NAV1: variants seen among roughly 807,000 people sequenced by gnomAD.
NAV1 encodes the protein neuron navigator 1.
In NAV1, 18 loss-of-function variants were observed where a neutral mutation model predicts 175.2. The ratio of observed to expected loss-of-function variants is 0.10; its 90% CI spans 0.07 to 0.15. The LOEUF (loss-of-function observed/expected upper bound fraction) is 0.15, where lower values mean the gene tolerates loss of function less well. NAV1 is among the 10% of genes least tolerant of loss of function. The probability of loss-of-function intolerance (pLI) is 1.00; values close to 1 mark genes in which losing one functional copy is unlikely to be tolerated. For synonymous variants in NAV1, 897 were observed against 978.7 expected (o/e 0.92, Z 1.56); for missense variants, 1,731 against 2,436.6 (o/e 0.71, Z 6.10).
intron 2 of NAV1, among the ~76,000 whole-genome samples, chr1:201,600,802 C>G (rs555873314): frequency 6.6e-6 from 1 of 152,288 alleles, no homozygotes; most frequent in African/African-American, 2.4e-5. Flanking sequence ...CCCTCAAGAT[C>G]AAGTTTGTCC....
At chr1:201,559,187 C>T (rs1028239384) in intron 1 of NAV1, among the ~76,000 whole-genome samples, 1 of 152,110 alleles carries the variant, frequency 6.6e-6, no homozygotes, top group African/African-American at 2.4e-5. Context: ...CTTCTGGAGC[C>T]CGTTTCCCCT....
At chr1:201,635,073 C>G (rs142149146) in intron 2 of NAV1, among the ~76,000 whole-genome samples, 1 of 152,180 alleles carries the variant, frequency 6.6e-6, no homozygotes, top group South Asian at 2.1e-4. Flanking sequence ...GAGTCTCACT[C>G]TGTCACCCAG....
intron 2 of NAV1, among the ~76,000 whole-genome samples, chr1:201,593,274 C>T (rs943196735): frequency 3.3e-5 from 5 of 152,220 alleles, no homozygotes; most frequent in Non-Finnish European, 5.9e-5. Flanking sequence ...ATCAACCCCA[C>T]AAGCCTGTCA....
At chr1:201,598,017 T>A (rs1667405678) in intron 2 of NAV1, among the ~76,000 whole-genome samples, 1 of 152,112 alleles carries the variant, frequency 6.6e-6, no homozygotes, top group African/African-American at 2.4e-5. Flanking sequence ...ATATACTGAG[T>A]GTCTACTACG....
In NAV1 at chr1:201,629,510, A is replaced by G. The variant is rs1378222919; in HGVS notation, c.4+3A>G. ...TGAGGAGAGCTTCTCCTGCATGGGT[A>G]AGTGATCTGGGGGAGACTTCCTCCT... On this transcript the variant is annotated splice_donor_region_variant and intron_variant, in intron 2 of 29. Coordinates refer to the NAV1 transcript ENST00000367302. 7.7e-7 allele frequency: 1 copy of G among 1,302,626 alleles called. No homozygotes were observed. The highest frequency in any genetic ancestry group is 1.0e-6 in the Non-Finnish European group (1 of 988,068). 80.7% of individuals were successfully genotyped at this position (1,302,626 alleles called of 1,614,324 possible).
At chr1:201,584,236 G>A (rs1293876909) in intron 1 of NAV1, among the ~76,000 whole-genome samples, 10 of 152,234 alleles carry the variant, frequency 6.6e-5, no homozygotes, top group Admixed American at 5.9e-4. Flanking sequence ...CCACATTTAT[G>A]AGACTGTAAA....
chr1:201,642,160 C>T (rs1668779309), intron 2 of NAV1, among the ~76,000 whole-genome samples: 1 of 130,344 alleles, frequency 7.7e-6, no homozygotes, highest in Non-Finnish European at 1.6e-5. Flanking sequence ...TTCTTTCTCT[C>T]TCCCCTCCCT....
At chr1:201,658,902 G>A (rs1177066623) in intron 1 of NAV1, among the ~76,000 whole-genome samples, 3 of 152,172 alleles carry the variant, frequency 2.0e-5, no homozygotes, top group African/African-American at 7.2e-5. Flanking sequence ...GAGGGTAGGG[G>A]CACCCCTTAT....
At chr1:201,804,178 A>G in intron 16 of NAV1, 1 of 499,706 alleles carries the variant, frequency 2.0e-6, no homozygotes, top group Non-Finnish European at 3.6e-6. Context: ...CTTTATTATT[A>G]CCTTTGGTAG....
intron 1 of NAV1, among the ~76,000 whole-genome samples, chr1:201,665,030 C>A (rs1669757872): frequency 6.6e-6 from 1 of 152,140 alleles, no homozygotes; most frequent in South Asian, 2.1e-4. Flanking sequence ...TAAACACCGC[C>A]CAGATTGCAG....
At chr1:201,589,650 C>A (rs986258770) in intron 2 of NAV1, among the ~76,000 whole-genome samples, 4 of 152,108 alleles carry the variant, frequency 2.6e-5, no homozygotes, top group Non-Finnish European at 5.9e-5. Flanking sequence ...CACCACCACT[C>A]CTGGTTATTT....
intron 1 of NAV1, among the ~76,000 whole-genome samples, chr1:201,545,477 G>C (rs1221517475): frequency 6.6e-6 from 1 of 151,872 alleles, no homozygotes; most frequent in Non-Finnish European, 1.5e-5. Context: ...TGTTGGCCAG[G>C]CTGGTCTCAA....
At chr1:201,781,058 G>A in exon 5 of NAV1, 1 of 1,614,178 alleles carries the variant, frequency 6.2e-7, no homozygotes, top group Non-Finnish European at 8.5e-7. Context: ...AGTGGGCTGA[G>A]CTGGTTTAGT....
chr1:201,669,408 G>A (rs1024653729), intron 1 of NAV1, among the ~76,000 whole-genome samples: 3 of 152,152 alleles, frequency 2.0e-5, no homozygotes, highest in Non-Finnish European at 2.9e-5. Context: ...ACAGAGGTCC[G>A]AGGAGGCTCA....
In NAV1 at chr1:201,769,964, A is replaced by G. The variant is rs539120045; in HGVS notation, c.1227-10457A>G. Among the ~76,000 whole-genome samples, 37 of 152,370 alleles carry G rather than the reference A, an allele frequency of 2.4e-4. No homozygotes were observed. In the South Asian group the frequency reaches 7.2e-3, roughly 30 times the overall value. On this transcript the variant is annotated intron_variant, in intron 3 of 29. Coordinates refer to ENST00000367296, the Ensembl canonical transcript of NAV1. ...TGTTCAAGTCTGACTTTTAAGAACCATGCTGTGCTACAGAAGCAATAAGGA... is the reference window on the plus strand; with the variant it reads ...TGTTCAAGTCTGACTTTTAAGAACCGTGCTGTGCTACAGAAGCAATAAGGA...
At chr1:201,696,283 T>C (rs1185862916) in intron 1 of NAV1, among the ~76,000 whole-genome samples, 2 of 152,128 alleles carry the variant, frequency 1.3e-5, no homozygotes, top group African/African-American at 2.4e-5. Flanking sequence ...GGCTCCTGCA[T>C]TGGAATCGGG....
intron 2 of NAV1, among the ~76,000 whole-genome samples, chr1:201,590,546 T>C (rs535741524): frequency 6.6e-6 from 1 of 152,346 alleles, no homozygotes; most frequent in Non-Finnish European, 1.5e-5. Context: ...AATCCTCTGC[T>C]TCCTGGTCCC....
intron 3 of NAV1, among the ~76,000 whole-genome samples, chr1:201,743,701 CTATGAG>C (rs1673579407): frequency 6.6e-6 from 1 of 151,996 alleles, no homozygotes. Flanking sequence ...ATGAGGATGC[CTATGAG>C]TATAATACAT....
chr1:201,817,870 T>C (rs1268614484), intron 29 of NAV1, among the ~76,000 whole-genome samples: 2 of 152,168 alleles, frequency 1.3e-5, no homozygotes, highest in Admixed American at 6.5e-5. Flanking sequence ...ATATCTGCAA[T>C]GCCTGTAGCC....
Sources: allele counts gnomAD v4.1 joint callset (sites outside exome capture counted in the v4.1 genomes callset), GRCh38; gene constraint gnomAD v4.1.1; transcripts MANE v1.5; gene names NCBI Gene and HGNC (gene_info 2026-07-23, HGNC 2026-07-21).